CLUH: variants seen among roughly 807,000 people sequenced by gnomAD.
CLUH encodes CLUH binding protein of NUMT mRNA, also known as clustered mitochondria protein homolog.
Under a neutral mutation model 139.3 loss-of-function variants are expected in CLUH, and 77 were observed. The observed-to-expected ratio is 0.55, with a 90% CI of 0.46 to 0.67. The LOEUF (loss-of-function observed/expected upper bound fraction) is 0.67. Ranked by LOEUF, CLUH falls within the 30% of genes least tolerant of loss-of-function variation. The pLI, the probability that CLUH is intolerant of heterozygous loss-of-function variation, is 0.00. For missense variants in CLUH, 1,876 were observed against 1,875.8 expected (o/e 1.00, Z 0.00); for synonymous variants, 999 against 801.6 (o/e 1.25, Z -4.16).
chr17:2,700,624 C>G, intron 8 of CLUH, 54 bp downstream of exon 8: 2 of 1,522,504 alleles, frequency 1.3e-6, no homozygotes. Context: ...GGAACCAGCC[C>G]AGCACCCAGG....
Position 2,696,394 on chromosome 17 carries a change from C to T in CLUH, c.2290+40G>A, listed in dbSNP as rs114664300. 8,729 of 1,541,564 alleles carry T rather than the reference C, an allele frequency of 5.7e-3. 437 individuals are homozygous for T. In the African/African-American group the frequency reaches 0.11, roughly 19 times the overall value. ...CCCAGGCCCCCCAGCGAAGCTCTGG[C>T]CCTGGAGGGCTCCTGCGCTGGCCGG... On this transcript the variant is annotated intron_variant, in intron 12 of 25. Coordinates refer to ENST00000651024, the MANE Select transcript of CLUH (RefSeq NM_001366661.1).
At chr17:2,710,162 G>A (rs1350473814) in intron 1 of CLUH, among the ~76,000 whole-genome samples, 2 of 152,192 alleles carry the variant, frequency 1.3e-5, no homozygotes, top group Non-Finnish European at 2.9e-5. Flanking sequence ...CAGCTAAATC[G>A]CTGTGTGACC....
rs753701529 is a variant in CLUH, at chr17:2,690,674, G to A, written c.3967C>T (p.Pro1323Ser). The part of the protein sequence containing the change: ...DRAEEPMATE[P>S]APAGAPGDLG... ...TCTCCTGGGGCCCCCGCTGGCGCGG[G>A]CTCGGTAGCCATGGGCTCCTCGGCT... Residue 1323 changes from proline (P) to serine (S), a missense_variant, in exon 26 of 26, where the codon CCC (proline) becomes TCC (serine). By Grantham distance (74) the Pro-to-Ser change is moderately conservative. This residue lies in a region of CLUH where 1,454 missense variants were observed against 1,384.4 expected (regional missense o/e 1.05). Transcript: ENST00000651024. The A allele has an allele frequency of 3.2e-6, 5 of 1,556,272 alleles. No homozygotes were observed. The highest frequency in any genetic ancestry group is 2.4e-5 in the South Asian group (2 of 83,682).
Position 2,694,530 on chromosome 17 carries a change from G to C in CLUH, c.2887C>G (p.Leu963Val). ...TCCCGCAGGAGCGTTATCTTCTGCA[G>C]GCCGTAGGTCTCCACAGCCTGGTCC... ...TVDQAVETYG[L>V]QKITLLREIS... Residue 963 changes from leucine to valine, a missense_variant, in exon 17 of 26, where the codon CTG (leucine) becomes GTG (valine). Leu to Val is a conservative substitution (Grantham distance 32). Transcript: ENST00000651024. 1.3e-6 allele frequency: 2 copies of C among 1,583,346 alleles called. No homozygotes were observed. Among genetic ancestry groups the C allele is most frequent in the Non-Finnish European group, 8.6e-7 (1 of 1,165,230 alleles).
At position 2,692,489 on chromosome 17, in the gene CLUH, G is replaced by A. The variant is rs1213225270; in HGVS notation, c.3439-7C>T. 3.1e-6 allele frequency: 5 copies of A among 1,596,764 alleles called. No homozygotes were observed. In the African/African-American group the frequency reaches 6.7e-5, roughly 21 times the overall value. On this transcript the variant is annotated splice_polypyrimidine_tract_variant and splice_region_variant and intron_variant, in intron 21 of 25. Transcript: ENST00000651024. ...GCACCAGCCCGATGTTGTTCTGGGG[G>A]CAGGCGGTGGGGGGCCCTGGTCAGC...
Position 2,695,540 on chromosome 17 carries a change from C to A in CLUH, c.2392-14G>T. 1.3e-6 allele frequency: 2 copies of A among 1,580,626 alleles called. No individual in the cohort carries two copies. The highest frequency in any genetic ancestry group is 1.7e-6 in the Non-Finnish European group (2 of 1,169,420). Reference sequence around the variant, plus strand: ...GCAGTCCTTCACCTGCGGGCTGCAGCAGCTCAGGCCCCCACCCAGCTCCTC... The same window carrying A: ...GCAGTCCTTCACCTGCGGGCTGCAGAAGCTCAGGCCCCCACCCAGCTCCTC... On this transcript the variant is annotated splice_polypyrimidine_tract_variant and intron_variant, in intron 13 of 25. Coordinates refer to ENST00000651024, the MANE Select transcript of CLUH (RefSeq NM_001366661.1).
At position 2,701,232 on chromosome 17, in the gene CLUH, G is replaced by T; in HGVS notation, c.933C>A (p.Ala311=). The change falls in exon 7 of 26, where the codon GCC becomes GCA. Residue 311 remains alanine, a synonymous_variant. Transcript: ENST00000651024. ...STAYHFNPKP[A]SPRFLSHSLV... is the part of the protein sequence containing the mutation. ...GGGAATGGCTTAGGAAGCGGGGGCT[G>T]GCGGGCTTGGGGTTGAAGTGATAAG... 6.2e-7 allele frequency: 1 copy of T among 1,613,692 alleles called. No individual in the cohort carries two copies. The highest frequency in any genetic ancestry group is 2.2e-5 in the East Asian group (1 of 44,862).
chr17:2,703,579 G>T lies in CLUH; in HGVS notation c.304-90C>A. 2.3e-6 allele frequency: 3 copies of T among 1,288,370 alleles called. No individual in the cohort carries two copies. The highest frequency in any genetic ancestry group is 3.3e-6 in the Non-Finnish European group (3 of 917,980). The allele number at this position is 1,288,370 out of a possible 1,614,324, so 79.8% of individuals were successfully genotyped here. On this transcript the variant is annotated intron_variant, in intron 2 of 25. Transcript: ENST00000651024. This position sits in a 1 kb window ranked among gnomAD's most constrained non-coding sequence, Gnocchi z 4.2. ...CGCCCCGGTGAGAGGCCACGTAGCG[G>T]ACAGCAAGGACAATATCCCCTTGTC...
intron 16 of CLUH, 36 bp downstream of exon 16, chr17:2,694,821 A>AAACCCC: frequency 7.1e-5 from 102 of 1,446,278 alleles, no homozygotes; most frequent in Non-Finnish European, 9.1e-5. Context: ...CATCTGCCCA[A>AAACCCC]TCCCACCCAC....
At chr17:2,692,209 G>T in intron 22 of CLUH, 112 bp from the exon 23 acceptor site, 1 of 1,443,438 alleles carries the variant, frequency 6.9e-7, no homozygotes, top group Non-Finnish European at 9.3e-7. Context: ...GCCACCGAGG[G>T]GAACAGCAAG....
rs1489002241 is a variant in CLUH at position 2,696,189 on chromosome 17, G to A, written c.2361C>T (p.Ala787=). ...DQKQLLKDAA[A]FLLSCQIPGL... ...CAGGGATCTGGCAGGAGAGCAGGAA[G>A]GCAGCCGCGTCCTTCAGCAGCTGCT... Residue 787 remains alanine (A), a synonymous_variant, in exon 13 of 26, where the codon GCC becomes GCT. Transcript: ENST00000651024. 1 of 1,569,882 alleles carries A rather than the reference G, an allele frequency of 6.4e-7. No homozygotes were observed. Among genetic ancestry groups the A allele is most frequent in the Non-Finnish European group, 8.6e-7 (1 of 1,157,988 alleles).
intron 23 of CLUH, 25 bp downstream of exon 23, chr17:2,691,979 C>CCCCG (rs774888368): frequency 0.3 from 204,220 of 684,642 alleles, 27,571 homozygotes; most frequent in Middle Eastern, 0.35. Context: ...CCCGCCCCCG[C>CCCCG]CCCCGCCACG....
At chr17:2,698,806 G>A (rs577581035) in intron 9 of CLUH, among the ~76,000 whole-genome samples, 1 of 152,262 alleles carries the variant, frequency 6.6e-6, no homozygotes, top group East Asian at 1.9e-4. Flanking sequence ...CACTTTGAGG[G>A]GCCGAGGCGG....
intron 13 of CLUH, 60 bp downstream of exon 13, chr17:2,696,099 C>A: frequency 7.3e-7 from 1 of 1,361,468 alleles, no homozygotes; most frequent in Non-Finnish European, 1.0e-6. Context: ...AAGTCGGAGA[C>A]AGATGAGGGA....
chr17:2,702,079 T>C (rs1425966958), intron 3 of CLUH, 22 bp from the exon 4 acceptor site: 4 of 1,610,442 alleles, frequency 2.5e-6, no homozygotes, highest in Middle Eastern at 3.3e-4. Flanking sequence ...GCAGGGAGGG[T>C]ATGGCGTTAC....
intron 1 of CLUH, among the ~76,000 whole-genome samples, chr17:2,705,741 C>T (rs1386226062): frequency 6.6e-6 from 1 of 152,182 alleles, no homozygotes; most frequent in Non-Finnish European, 1.5e-5. Context: ...AAAAAGGCAA[C>T]AAATAAAGTA....
At chr17:2,697,435 G>A (rs377214918) in intron 10 of CLUH, among the ~76,000 whole-genome samples, 4 of 151,708 alleles carry the variant, frequency 2.6e-5, no homozygotes, top group African/African-American at 7.3e-5. Context: ...CGTTCTGGAG[G>A]GTATGGGAAA....
chr17:2,701,155 A>G lies in CLUH; in HGVS notation c.1010T>C (p.Val337Ala), dbSNP rs745549139. 6.2e-7 allele frequency: 1 copy of G among 1,613,952 alleles called. No homozygotes were observed. Among genetic ancestry groups the G allele is most frequent in the East Asian group, 2.2e-5 (1 of 44,870 alleles). ...ISPTFKKNFA[V>A]LQKKRVQRHP... ...AAGGCACTACCTTTTCTTCTGCAGC[A>G]CAGCGAAGTTCTTCTTGAAGGTCGG... Residue 337 changes from valine to alanine, a missense_variant, in exon 7 of 26, where the codon GTG becomes GCG. Around this residue, in one of 3 missense-constraint regions of CLUH, gnomAD observed 270 missense variants for 354.7 expected, o/e 0.76. Coordinates refer to ENST00000651024, the MANE Select transcript of CLUH (RefSeq NM_001366661.1).
Position 2,690,530 on chromosome 17 carries a change from C to G in CLUH, c.*64G>C. 3.7e-6 allele frequency: 5 copies of G among 1,350,952 alleles called. No individual in the cohort carries two copies. Among genetic ancestry groups the G allele is most frequent in the South Asian group, 1.8e-5 (1 of 55,862 alleles). The allele number at this position is 1,350,952 out of a possible 1,614,324, so 83.7% of individuals were successfully genotyped here. On this transcript the variant is annotated 3_prime_UTR_variant, in exon 26 of 26. Coordinates refer to ENST00000651024, the MANE Select transcript of CLUH (RefSeq NM_001366661.1). ...CCTCTTCCGCCCGCAGGCTCGCCCC[C>G]TTCTCCCGCAGTCGGGCTCCCTGGT...
Sources: allele counts gnomAD v4.1 joint callset (sites outside exome capture counted in the v4.1 genomes callset), GRCh38; gene constraint gnomAD v4.1.1; regional missense constraint gnomAD v4.1.1; non-coding constraint Gnocchi (gnomAD v3.1); transcripts MANE v1.5; gene names NCBI Gene and HGNC (gene_info 2026-07-23, HGNC 2026-07-21).